The following CAB39 variants were observed in gnomAD, a reference collection of about 807,000 sequenced individuals.
CAB39 encodes the protein calcium-binding protein 39.
In CAB39, 8 loss-of-function variants were observed where a neutral mutation model predicts 40.0. The ratio of observed to expected loss-of-function variants is 0.20; its 90% CI spans 0.12 to 0.36. CAB39 has a LOEUF of 0.36. Ranked by LOEUF, CAB39 falls within the 10% of genes least tolerant of loss-of-function variation. The pLI is 1.00. For missense variants in CAB39, 270 were observed against 401.1 expected (o/e 0.67, Z 2.79); for synonymous variants, 156 against 141.6 (o/e 1.10, Z -0.72).
intron 1 of CAB39, among the ~76,000 whole-genome samples, chr2:230,755,008 T>A (rs1695165415): frequency 3.3e-5 from 5 of 152,222 alleles, no homozygotes; most frequent in African/African-American, 1.2e-4. Context: ...TTGCTGCAAA[T>A]GCTGTTCATT....
intron 1 of CAB39, among the ~76,000 whole-genome samples, chr2:230,726,833 C>T (rs1031130758): frequency 2.0e-5 from 3 of 150,952 alleles, no homozygotes; most frequent in Non-Finnish European, 2.9e-5. Flanking sequence ...AAGGGAGGGG[C>T]GGGGAATGTT....
chr2:230,732,374 G>A (rs185728675), intron 1 of CAB39, among the ~76,000 whole-genome samples: 136 of 152,268 alleles, frequency 8.9e-4, no homozygotes, highest in Middle Eastern at 3.4e-3. Context: ...GAGCCACCGC[G>A]CCCGGCCGAA....
intron 2 of CAB39, among the ~76,000 whole-genome samples, chr2:230,780,642 A>G (rs1695670639): frequency 6.6e-6 from 1 of 152,240 alleles, no homozygotes; most frequent in South Asian, 2.1e-4. Context: ...TGCATTTGCA[A>G]GAATACCACA....
intron 1 of CAB39, among the ~76,000 whole-genome samples, chr2:230,720,523 C>T (rs959461110): frequency 2.0e-5 from 3 of 152,140 alleles, no homozygotes; most frequent in Admixed American, 2.0e-4. Context: ...GCAACCTCCG[C>T]CTCCCGGGTT....
intron 1 of CAB39, among the ~76,000 whole-genome samples, chr2:230,737,667 A>G (rs539017801): frequency 6.6e-6 from 1 of 152,332 alleles, no homozygotes; most frequent in East Asian, 1.9e-4. Context: ...GCCATGTTCA[A>G]AATTTTTGTA....
intron 7 of CAB39, among the ~76,000 whole-genome samples, chr2:230,816,720 C>T (rs1347235363): frequency 6.6e-6 from 1 of 152,218 alleles, no homozygotes; most frequent in African/African-American, 2.4e-5. Context: ...AGGCCTGATA[C>T]GTGCTTTGCA....
intron 5 of CAB39, chr2:230,799,118 T>A (rs1284981818): frequency 2.2e-6 from 1 of 446,872 alleles, no homozygotes; most frequent in Non-Finnish European, 4.0e-6. Context: ...ACAAAAGTCC[T>A]GTGTGGTCAA....
chr2:230,757,825 C>T (rs1320019549), intron 1 of CAB39, among the ~76,000 whole-genome samples: 2 of 152,026 alleles, frequency 1.3e-5, no homozygotes, highest in East Asian at 1.9e-4. Flanking sequence ...CACCCCCTGC[C>T]GCCCACTCCC....
At chr2:230,716,393 G>C (rs896688350) in intron 1 of CAB39, among the ~76,000 whole-genome samples, 1 of 152,018 alleles carries the variant, frequency 6.6e-6, no homozygotes, top group Admixed American at 6.6e-5. Context: ...CTTTTTTCCA[G>C]ATTGATGACT....
chr2:230,724,703 CAA>C (rs60886023), intron 1 of CAB39, among the ~76,000 whole-genome samples: 10 of 54,760 alleles, frequency 1.8e-4, no homozygotes, highest in East Asian at 6.2e-4. Context: ...ACACGCTCAC[CAA>C]AAAAAAAAAA....
chr2:230,759,334 G>A (rs1695249193), intron 1 of CAB39, among the ~76,000 whole-genome samples: 1 of 152,168 alleles, frequency 6.6e-6, no homozygotes, highest in Admixed American at 6.5e-5. Flanking sequence ...TGAACACCGG[G>A]AAAAGAGCAT....
At chr2:230,806,865 A>G (rs1686802379) in intron 5 of CAB39, among the ~76,000 whole-genome samples, 1 of 152,190 alleles carries the variant, frequency 6.6e-6, no homozygotes, top group African/African-American at 2.4e-5. Flanking sequence ...ATGAATGTGA[A>G]AATAAGCCCC....
chr2:230,805,262 G>A (rs1696170954), intron 5 of CAB39, among the ~76,000 whole-genome samples: 1 of 151,714 alleles, frequency 6.6e-6, no homozygotes, highest in Admixed American at 6.6e-5. Flanking sequence ...GGGTGGCGGG[G>A]TGGGGGAGGG....
intron 1 of CAB39, among the ~76,000 whole-genome samples, chr2:230,740,574 C>T (rs1044863146): frequency 4.6e-5 from 7 of 152,124 alleles, no homozygotes; most frequent in Admixed American, 2.6e-4. Flanking sequence ...ACATGCAGGG[C>T]AGGGGATGGT....
intron 1 of CAB39, among the ~76,000 whole-genome samples, chr2:230,726,310 A>G (rs1372922681): frequency 2.6e-5 from 4 of 151,310 alleles, no homozygotes; most frequent in African/African-American, 7.3e-5. Context: ...TTACAGGTGC[A>G]TGCTACCATG....
intron 3 of CAB39, among the ~76,000 whole-genome samples, chr2:230,792,639 CAT>C (rs1027983362): frequency 4.6e-5 from 7 of 152,192 alleles, no homozygotes; most frequent in Non-Finnish European, 8.8e-5. Flanking sequence ...ACTACTGTAT[CAT>C]GTGATACTTA....
In CAB39 at chr2:230,768,660, A is replaced by G. The variant is rs185795501; in HGVS notation, c.114+8545A>G. Among the ~76,000 whole-genome samples, 136 of 152,340 alleles carry G rather than the reference A, an allele frequency of 8.9e-4. 1 individual carries two copies. Among genetic ancestry groups the G allele is most frequent in the Non-Finnish European group, 1.7e-3 (114 of 68,018 alleles). On this transcript the variant is annotated intron_variant, in intron 2 of 8. Transcript: ENST00000258418. ...CTATGGGTGACTAAATTAGGCACCA[A>G]AAACGGGTCAATTAGGTGGAGGTGG...
chr2:230,785,524 C>T (rs1031534030), intron 2 of CAB39, among the ~76,000 whole-genome samples: 2 of 151,480 alleles, frequency 1.3e-5, no homozygotes, highest in African/African-American at 2.4e-5. Flanking sequence ...GGTGAGGTAA[C>T]AGGCAGGGTG....
At chr2:230,721,499 G>GT (rs1313649320) in intron 1 of CAB39, among the ~76,000 whole-genome samples, 3 of 152,146 alleles carry the variant, frequency 2.0e-5, no homozygotes. Flanking sequence ...AATTTTTTCT[G>GT]TTTATCTTTT....
Sources: gnomAD v4.1 joint callset for allele counts (sites outside exome capture counted in the v4.1 genomes callset) on GRCh38, gnomAD v4.1.1 for gene constraint, MANE v1.5 for transcripts, NCBI Gene and HGNC (gene_info 2026-07-23, HGNC 2026-07-21) for gene names.